AQR: variants seen among roughly 807,000 people sequenced by gnomAD.
AQR encodes aquarius intron-binding spliceosomal factor.
AQR carries 61 observed loss-of-function variants against 180.5 expected under a neutral mutation model. The observed-to-expected ratio is 0.34, with a 90% CI of 0.28 to 0.42. The LOEUF (loss-of-function observed/expected upper bound fraction) is 0.42, where lower values mean the gene tolerates loss of function less well. Ranked by LOEUF, AQR falls within the 10% of genes least tolerant of loss-of-function variation. The pLI is 1.00. For missense variants in AQR, 1,281 were observed against 1,798.3 expected, an observed-to-expected ratio of 0.71 and a Z score of 5.20; for synonymous variants, 551 against 588.8, an observed-to-expected ratio of 0.94 and a Z score of 0.93.
intron 22 of AQR, among the ~76,000 whole-genome samples, chr15:34,895,216 ATATATG>A (rs1379084168): frequency 4.7e-4 from 51 of 108,792 alleles, no homozygotes; most frequent in African/African-American, 1.3e-3. Flanking sequence ...ATATATATAT[ATATATG>A]AAACAAATAA....
intron 1 of AQR, among the ~76,000 whole-genome samples, chr15:34,967,228 G>A (rs987131361): frequency 1.3e-5 from 2 of 152,236 alleles, no homozygotes; most frequent in Middle Eastern, 3.4e-3. Context: ...ACCTTAAGGT[G>A]TGTGTACTTG....
chr15:34,864,328 A>G (rs972402641), intron 32 of AQR, among the ~76,000 whole-genome samples: 11 of 152,180 alleles, frequency 7.2e-5, no homozygotes, highest in African/African-American at 2.7e-4. Flanking sequence ...AGCAACAAAC[A>G]AAATTAAGAC....
Position 34,938,743 on chromosome 15 carries a change from G to A in AQR, c.712C>T (p.Leu238Phe), listed in dbSNP as rs1197894050. ...KFISVLKSVPLSEPVTMDKVH... is the reference protein window; with the variant it reads ...KFISVLKSVPFSEPVTMDKVH... ...TGAGTAAAAAAGAAGATACCAGAAA[G>A]TGGGACTGATTTCAGCACAGAGATA... The change falls in exon 9 of 35, where the codon CTT becomes TTT. Residue 238 changes from leucine (L) to phenylalanine (F), a missense_variant. This residue lies in a region of AQR where 404 missense variants were observed against 490.9 expected (regional missense o/e 0.82). Coordinates refer to ENST00000156471, the MANE Select transcript of AQR (RefSeq NM_014691.3). 1.3e-6 allele frequency: 2 copies of A among 1,592,582 alleles called. No homozygotes were observed. Among genetic ancestry groups the A allele is most frequent in the African/African-American group, 1.3e-5 (1 of 74,688 alleles).
intron 9 of AQR, 118 bp downstream of exon 9, chr15:34,938,619 A>G: frequency 3.0e-6 from 2 of 674,324 alleles, no homozygotes; most frequent in South Asian, 1.9e-5. Context: ...GAGGACATAC[A>G]CTTTGCCAAT....
chr15:34,897,833 T>G, intron 20 of AQR, 128 bp from the exon 21 acceptor site: 2 of 1,010,834 alleles, frequency 2.0e-6, no homozygotes, highest in South Asian at 3.3e-5. Context: ...AGGAACGATA[T>G]CTGTATGTAA....
chr15:34,867,165 GA>G (rs1402717914), intron 32 of AQR, among the ~76,000 whole-genome samples: 1 of 152,026 alleles, frequency 6.6e-6, no homozygotes, highest in East Asian at 1.9e-4. Context: ...GAAAAAATGA[GA>G]AAACATATTA....
intron 33 of AQR, 31 bp downstream of exon 33, chr15:34,862,836 C>T: frequency 1.2e-6 from 2 of 1,607,980 alleles, no homozygotes; most frequent in Middle Eastern, 1.7e-4. Context: ...CTGAGGAATG[C>T]TGTTTTATAA....
intron 1 of AQR, among the ~76,000 whole-genome samples, chr15:34,966,274 T>G (rs2050309372): frequency 6.6e-6 from 1 of 152,214 alleles, no homozygotes. Flanking sequence ...ATAAATAATT[T>G]TAAAAGTACC....
intron 29 of AQR, 80 bp downstream of exon 29, chr15:34,874,597 C>T: frequency 6.5e-7 from 1 of 1,544,900 alleles, no homozygotes; most frequent in Non-Finnish European, 8.8e-7. Flanking sequence ...TAATAGTCTA[C>T]ACAAAAGCTA....
At chr15:34,955,908 C>CAA (rs71119992) in intron 3 of AQR, among the ~76,000 whole-genome samples, 3 of 68,250 alleles carry the variant, frequency 4.4e-5, no homozygotes, top group African/African-American at 1.1e-4. Flanking sequence ...AACTCCATCT[C>CAA]AAAAAAAAAA....
chr15:34,905,755 T>TA (rs11422790), intron 18 of AQR, among the ~76,000 whole-genome samples: 117,708 of 151,784 alleles, frequency 0.78, 46,151 homozygotes, highest in Middle Eastern at 0.86. Context: ...GAGTGTTTCT[T>TA]AAAAAAAATA....
chr15:34,946,888 G>T (rs1286902226), intron 5 of AQR, among the ~76,000 whole-genome samples: 1 of 147,754 alleles, frequency 6.8e-6, no homozygotes, highest in Non-Finnish European at 1.5e-5. Flanking sequence ...AGGGAGGTGG[G>T]GGGGGTCAGC....
intron 29 of AQR, chr15:34,874,208 G>A (rs974254310): frequency 3.1e-5 from 14 of 450,722 alleles, no homozygotes; most frequent in South Asian, 5.6e-5. Context: ...CTACAAAAAT[G>A]AGAGTTCTAT....
intron 27 of AQR, among the ~76,000 whole-genome samples, chr15:34,880,805 C>T (rs1892962056): frequency 6.6e-6 from 1 of 152,082 alleles, no homozygotes; most frequent in South Asian, 2.1e-4. Flanking sequence ...TGGAAATTTA[C>T]CATTCTTGAC....
chr15:34,891,190 T>C (rs183996316), intron 23 of AQR, among the ~76,000 whole-genome samples: 175 of 152,080 alleles, frequency 1.2e-3, no homozygotes, highest in Admixed American at 1.8e-3. Context: ...TTCAGAAAAA[T>C]CCCCCACTAT....
intron 19 of AQR, among the ~76,000 whole-genome samples, chr15:34,903,314 T>A (rs192450390): frequency 1.3e-5 from 2 of 152,254 alleles, no homozygotes; most frequent in Non-Finnish European, 2.9e-5. Context: ...CTTTCTAATG[T>A]GATGGGAAAC....
intron 4 of AQR, among the ~76,000 whole-genome samples, chr15:34,949,806 A>C (rs185950209): frequency 4.1e-4 from 59 of 142,338 alleles, no homozygotes; most frequent in African/African-American, 1.6e-3. Context: ...AAAAAAAAAA[A>C]AAAAAAACCA....
At chr15:34,906,483 A>G in intron 18 of AQR, 62 bp downstream of exon 18, 2 of 1,551,214 alleles carry the variant, frequency 1.3e-6, no homozygotes, top group African/African-American at 1.4e-5. Flanking sequence ...GCAAAAAGGG[A>G]AAAAGGCAAA....
intron 6 of AQR, 73 bp from the exon 7 acceptor site, chr15:34,942,153 T>TGG (rs1894032937): frequency 8.7e-7 from 1 of 1,147,400 alleles, no homozygotes. Context: ...ATAAGAAGTA[T>TGG]ACTGCCTTTT....
Sources: gnomAD v4.1 joint callset for allele counts (sites outside exome capture counted in the v4.1 genomes callset) on GRCh38, gnomAD v4.1.1 for gene constraint, gnomAD v4.1.1 regional missense constraint, MANE v1.5 for transcripts, NCBI Gene and HGNC (gene_info 2026-07-23, HGNC 2026-07-21) for gene names.